Variants in GCH1 observed in about 807,000 individuals in gnomAD.
The protein encoded by GCH1 is GTP cyclohydrolase I.
A neutral mutation model predicts 25.9 loss-of-function variants in GCH1; 5 were observed. That is an observed-to-expected ratio of 0.19 (90% CI 0.10 to 0.41). GCH1 has a LOEUF of 0.41. GCH1 is among the 10% of genes least tolerant of loss of function. The probability of loss-of-function intolerance (pLI) is 1.00; values close to 1 mark genes in which losing one functional copy is unlikely to be tolerated. For synonymous variants in GCH1, 159 were observed against 129.6 expected, an observed-to-expected ratio of 1.23 and a Z score of -1.54; for missense variants, 261 against 336.5, an observed-to-expected ratio of 0.78 and a Z score of 1.75.
intron 1 of GCH1, chr14:54,885,189 C>T: frequency 4.9e-6 from 1 of 206,120 alleles, no homozygotes; most frequent in South Asian, 8.2e-5. Context: ...ACTCCTAACT[C>T]CAGCAGGATC....
intron 1 of GCH1, among the ~76,000 whole-genome samples, chr14:54,878,578 C>T (rs1023210164): frequency 2.6e-5 from 4 of 152,222 alleles, no homozygotes; most frequent in Admixed American, 6.5e-5. Flanking sequence ...CATCATGCCT[C>T]GTAGTACCAT....
intron 1 of GCH1, among the ~76,000 whole-genome samples, chr14:54,897,079 G>A (rs551407933): frequency 3.4e-4 from 44 of 131,250 alleles, no homozygotes; most frequent in African/African-American, 1.1e-3. Flanking sequence ...GCACAATCTC[G>A]GCTCACTGCA....
intron 1 of GCH1, among the ~76,000 whole-genome samples, chr14:54,897,320 C>T (rs2040502446): frequency 1.4e-5 from 2 of 141,862 alleles, no homozygotes; most frequent in African/African-American, 2.7e-5. Context: ...CTGAGTTTCG[C>T]TCTTGTTGCC....
intron 1 of GCH1, among the ~76,000 whole-genome samples, chr14:54,899,628 G>A (rs779528267): frequency 3.9e-5 from 6 of 152,016 alleles, no homozygotes; most frequent in Non-Finnish European, 7.4e-5. Context: ...CACAAAACCT[G>A]TCTTTATATT....
At position 54,859,676 on chromosome 14, in the gene GCH1, C is replaced by G. The variant is rs1458789741; in HGVS notation, c.509+5G>C. The stretch of plus-strand genomic sequence containing the variant: ...TATTCTTGTTCACTGCACAGTCACA[C>G]TTACCTCGCAAGTTTGCTGAGGCCA... On this transcript the variant is annotated splice_donor_5th_base_variant and intron_variant, in intron 3 of 5. Coordinates refer to ENST00000491895, the MANE Select transcript of GCH1 (RefSeq NM_000161.3). 6.4e-7 allele frequency: 1 copy of G among 1,557,692 alleles called. No homozygotes were observed. The highest frequency in any genetic ancestry group is 1.7e-5 in the Admixed American group (1 of 59,932).
At chr14:54,902,173 G>T in intron 1 of GCH1, 148 bp downstream of exon 1, 2 of 829,662 alleles carry the variant, frequency 2.4e-6, no homozygotes, top group Non-Finnish European at 3.8e-6. Context: ...CGGCAGGGCG[G>T]CAGGCTAGGG....
intron 1 of GCH1, among the ~76,000 whole-genome samples, chr14:54,901,923 C>G (rs1022386360): frequency 2.6e-5 from 4 of 152,208 alleles, no homozygotes; most frequent in African/African-American, 9.6e-5. Context: ...AAGCCGTCGC[C>G]GCAGCAAGTG....
chr14:54,893,068 G>C (rs1341701971), intron 1 of GCH1, among the ~76,000 whole-genome samples: 1 of 152,236 alleles, frequency 6.6e-6, no homozygotes, highest in Non-Finnish European at 1.5e-5. Context: ...GACAGAGCAA[G>C]ACTCTGCCTC....
intron 3 of GCH1, among the ~76,000 whole-genome samples, chr14:54,850,878 C>CT (rs1321189571): frequency 1.3e-5 from 2 of 152,178 alleles, no homozygotes; most frequent in Admixed American, 6.5e-5. Flanking sequence ...CAGTCTATCA[C>CT]TGATGGACAT....
intron 2 of GCH1, among the ~76,000 whole-genome samples, chr14:54,864,092 G>A (rs953120232): frequency 3.3e-5 from 5 of 151,930 alleles, no homozygotes; most frequent in Admixed American, 3.3e-4. Context: ...GAACTCCTGG[G>A]TTCAAGCAAT....
At chr14:54,869,177 T>C (rs2040032589) in intron 1 of GCH1, among the ~76,000 whole-genome samples, 1 of 151,810 alleles carries the variant, frequency 6.6e-6, no homozygotes, top group South Asian at 2.1e-4. Context: ...TAGCTGGGAC[T>C]ACAGGCACGT....
chr14:54,862,451 C>T (rs993569753), intron 2 of GCH1, among the ~76,000 whole-genome samples: 9 of 140,232 alleles, frequency 6.4e-5, no homozygotes, highest in Non-Finnish European at 1.2e-4. Context: ...GGTGTGATCT[C>T]GGCTCACTGC....
intron 2 of GCH1, among the ~76,000 whole-genome samples, chr14:54,860,575 C>T (rs1053643846): frequency 1.4e-5 from 2 of 143,530 alleles, no homozygotes; most frequent in East Asian, 4.1e-4. Flanking sequence ...GAGTCTCACT[C>T]TGTCGCCCAG....
At chr14:54,868,955 T>C (rs2040029069) in intron 1 of GCH1, among the ~76,000 whole-genome samples, 1 of 151,948 alleles carries the variant, frequency 6.6e-6, no homozygotes, top group Admixed American at 6.6e-5. Context: ...CTCAAGCTAG[T>C]CTTAAACTCC....
intron 1 of GCH1, among the ~76,000 whole-genome samples, chr14:54,895,306 G>A (rs1043991827): frequency 1.7e-4 from 26 of 152,116 alleles, no homozygotes; most frequent in African/African-American, 6.0e-4. Context: ...TCCTCACGCT[G>A]GATTATATGC....
At chr14:54,876,142 A>G (rs2040156208) in intron 1 of GCH1, among the ~76,000 whole-genome samples, 1 of 152,236 alleles carries the variant, frequency 6.6e-6, no homozygotes, top group African/African-American at 2.4e-5. Context: ...TGTGGCACAT[A>G]TACACCACAG....
At chr14:54,897,580 C>G (rs549309211) in intron 1 of GCH1, among the ~76,000 whole-genome samples, 4 of 152,058 alleles carry the variant, frequency 2.6e-5, no homozygotes, top group Non-Finnish European at 1.5e-5. Context: ...TGAGCCACCG[C>G]GCCCGGCTAC....
chr14:54,876,767 T>C (rs1439441301), intron 1 of GCH1, among the ~76,000 whole-genome samples: 1 of 152,138 alleles, frequency 6.6e-6, no homozygotes, highest in East Asian at 1.9e-4. Flanking sequence ...GACATATACA[T>C]ATGAATGTAT....
chr14:54,892,510 G>A (rs528932833), intron 1 of GCH1, among the ~76,000 whole-genome samples: 123 of 152,230 alleles, frequency 8.1e-4, no homozygotes, highest in Non-Finnish European at 1.6e-4. Flanking sequence ...CCAACACGGT[G>A]AAACCCAGTC....
Sources: allele counts gnomAD v4.1 joint callset (sites outside exome capture counted in the v4.1 genomes callset), GRCh38; gene constraint gnomAD v4.1.1; transcripts MANE v1.5; gene names NCBI Gene and HGNC (gene_info 2026-07-23, HGNC 2026-07-21).